Variants in EDIL3 observed in about 807,000 individuals in gnomAD.
EDIL3 encodes the protein EGF like and discoidin domains 3.
Under a neutral mutation model 67.4 loss-of-function variants are expected in EDIL3, and 37 were observed. The ratio of observed to expected loss-of-function variants is 0.55; its 90% CI spans 0.42 to 0.72. The LOEUF (loss-of-function observed/expected upper bound fraction) is 0.72. Among genes scored for constraint, EDIL3 ranks in the 30% least tolerant of loss-of-function variants. The probability of loss-of-function intolerance (pLI) is 0.00; values close to 1 mark genes in which losing one functional copy is unlikely to be tolerated. For synonymous variants in EDIL3, 195 were observed against 196.3 expected (o/e 0.99, Z 0.05); for missense variants, 527 against 586.3 (o/e 0.90, Z 1.04).
chr5:84,172,425 T>C (rs995190853), intron 4 of EDIL3, among the ~76,000 whole-genome samples: 1 of 151,662 alleles, frequency 6.6e-6, no homozygotes, highest in Non-Finnish European at 1.5e-5. Context: ...ATATAAAAAA[T>C]ACAAAAATTA....
At chr5:84,189,317 G>C (rs1037315768) in intron 3 of EDIL3, among the ~76,000 whole-genome samples, 1 of 151,798 alleles carries the variant, frequency 6.6e-6, no homozygotes, top group Non-Finnish European at 1.5e-5. Context: ...AAGATTTCCT[G>C]GGGTTAATCT....
intron 9 of EDIL3, among the ~76,000 whole-genome samples, chr5:84,022,382 A>T (rs901068934): frequency 2.0e-5 from 3 of 151,884 alleles, no homozygotes; most frequent in African/African-American, 7.2e-5. Context: ...CATAATAAAA[A>T]CTCTCAAGAA....
intron 5 of EDIL3, among the ~76,000 whole-genome samples, chr5:84,123,117 C>A (rs151268328): frequency 6.6e-6 from 1 of 152,010 alleles, no homozygotes; most frequent in African/African-American, 2.4e-5. Flanking sequence ...AAGCCTATTA[C>A]AGCATAGTGC....
At chr5:84,380,640 A>G (rs1482482768) in intron 1 of EDIL3, among the ~76,000 whole-genome samples, 3 of 152,126 alleles carry the variant, frequency 2.0e-5, no homozygotes, top group Non-Finnish European at 2.9e-5. Flanking sequence ...CTCTCAAAGG[A>G]GGCAACTTTT....
intron 1 of EDIL3, among the ~76,000 whole-genome samples, chr5:84,363,434 G>A (rs1747656681): frequency 6.9e-6 from 1 of 144,916 alleles, no homozygotes; most frequent in Non-Finnish European, 1.5e-5. Context: ...TGGTGACTGA[G>A]CAAGACTCTG....
chr5:84,224,734 G>A (rs1329711442), intron 3 of EDIL3, among the ~76,000 whole-genome samples: 3 of 151,234 alleles, frequency 2.0e-5, no homozygotes, highest in African/African-American at 7.3e-5. Context: ...ATATATATTA[G>A]ACCAAAGTCA....
chr5:84,127,950 T>C (rs1747895959), intron 5 of EDIL3, among the ~76,000 whole-genome samples: 1 of 152,280 alleles, frequency 6.6e-6, no homozygotes, highest in Admixed American at 6.6e-5. Context: ...CTTATCAGGA[T>C]GTCCCAATTG....
chr5:84,371,433 GTATA>G (rs71879324), intron 1 of EDIL3, among the ~76,000 whole-genome samples: 99 of 128,316 alleles, frequency 7.7e-4, no homozygotes, highest in South Asian at 1.5e-3. Flanking sequence ...ATATGTGTGT[GTATA>G]TATATATATA....
intron 9 of EDIL3, among the ~76,000 whole-genome samples, chr5:84,039,424 G>C (rs1730316398): frequency 6.6e-6 from 1 of 152,132 alleles, no homozygotes; most frequent in Non-Finnish European, 1.5e-5. Context: ...GAACGAAATA[G>C]AGATTAAAAC....
In EDIL3 at chr5:84,095,695, T is replaced by C. The variant is rs553742090; in HGVS notation, c.651+10954A>G. On this transcript the variant is annotated intron_variant, in intron 6 of 10. Coordinates refer to ENST00000296591, the MANE Select transcript of EDIL3 (RefSeq NM_005711.5). ...ATAAGGGAAGCAAAGCATAAAAGTT[T>C]GGAAAATTTGCAGCCTGACAATGCA... is the stretch of plus-strand genomic sequence containing the variant. Among the ~76,000 whole-genome samples the C allele has an allele frequency of 4.6e-5, 7 of 152,336 alleles. No individual in the cohort carries two copies. In the South Asian group the frequency reaches 1.4e-3, roughly 32 times the overall value.
chr5:83,994,902 C>G (rs1485266135), intron 9 of EDIL3, among the ~76,000 whole-genome samples: 1 of 151,914 alleles, frequency 6.6e-6, no homozygotes, highest in African/African-American at 2.4e-5. Context: ...TTATTTCTTT[C>G]TTCCTCATAT....
At chr5:84,263,217 GA>G (rs1745271498) in intron 1 of EDIL3, among the ~76,000 whole-genome samples, 1 of 152,154 alleles carries the variant, frequency 6.6e-6, no homozygotes, top group South Asian at 2.1e-4. Flanking sequence ...CCAGAACTGT[GA>G]GTCAAGAAGC....
Position 84,217,721 on chromosome 5 carries a change from AACACACAC to A in EDIL3, c.226+12126_226+12133del, listed in dbSNP as rs61264723. 2.2e-3 allele frequency among the ~76,000 whole-genome samples: 295 copies of A among 135,010 alleles called. 1 individual carries two copies. The highest frequency in any genetic ancestry group is 6.8e-3 in the African/African-American group (245 of 36,206). The allele number at this position is 135,010 out of a possible 152,430, so 88.6% of individuals were successfully genotyped here. ...TACCCATCTATCTATTATACACACA[AACACACAC>A]ACACACACACACACACACACACACA... On this transcript the variant is annotated intron_variant, in intron 3 of 10. Transcript: ENST00000296591.
At chr5:84,029,673 G>C (rs67344025) in intron 9 of EDIL3, among the ~76,000 whole-genome samples, 1 of 151,938 alleles carries the variant, frequency 6.6e-6, no homozygotes, top group African/African-American at 2.4e-5. Context: ...AAGATTAAGC[G>C]GATAATACTG....
intron 3 of EDIL3, among the ~76,000 whole-genome samples, chr5:84,222,370 A>G (rs16900985): frequency 0.18 from 26,804 of 151,804 alleles, 2,435 homozygotes; most frequent in East Asian, 0.34. Context: ...AAAGCTAGTA[A>G]TGTAAATGAT....
chr5:84,238,248 C>A (rs1473070729), intron 2 of EDIL3, among the ~76,000 whole-genome samples: 1 of 151,982 alleles, frequency 6.6e-6, no homozygotes, highest in Non-Finnish European at 1.5e-5. Context: ...TCTGTGAGGT[C>A]TTTTAGTAAA....
At chr5:84,161,614 A>T (rs1445575610) in intron 4 of EDIL3, among the ~76,000 whole-genome samples, 1 of 152,102 alleles carries the variant, frequency 6.6e-6, no homozygotes, top group Non-Finnish European at 1.5e-5. Flanking sequence ...CCCTAAGCTT[A>T]CTTTTAGCTA....
chr5:84,222,043 T>C (rs985295507), intron 3 of EDIL3, among the ~76,000 whole-genome samples: 2 of 151,940 alleles, frequency 1.3e-5, no homozygotes, highest in African/African-American at 4.8e-5. Flanking sequence ...TAGTCAGCCA[T>C]GCAGAATTAA....
At chr5:84,056,619 G>C (rs1001710256) in intron 9 of EDIL3, among the ~76,000 whole-genome samples, 1 of 151,932 alleles carries the variant, frequency 6.6e-6, no homozygotes, top group African/African-American at 2.4e-5. Flanking sequence ...TATCTGATTA[G>C]GTTTTAGAAA....
Sources: gnomAD v4.1 joint callset for allele counts (sites outside exome capture counted in the v4.1 genomes callset) on GRCh38, gnomAD v4.1.1 for gene constraint, MANE v1.5 for transcripts, NCBI Gene and HGNC (gene_info 2026-07-23, HGNC 2026-07-21) for gene names.